The following CATSPER1 variants were observed in gnomAD, a reference collection of about 807,000 sequenced individuals.
The protein encoded by CATSPER1 is cation channel sperm associated 1.
CATSPER1 carries 57 observed loss-of-function variants against 72.7 expected under a neutral mutation model. That is an observed-to-expected ratio of 0.78 (90% CI 0.63 to 0.98). The LOEUF (loss-of-function observed/expected upper bound fraction) is 0.98, where lower values mean the gene tolerates loss of function less well. CATSPER1 is among the 50% of genes least tolerant of loss of function. The pLI, the probability that CATSPER1 is intolerant of heterozygous loss-of-function variation, is 0.00. For synonymous variants in CATSPER1, 363 were observed against 403.0 expected (o/e 0.90, Z 1.19); for missense variants, 910 against 1,033.9 (o/e 0.88, Z 1.64).
chr11:66,022,434 G>A (rs1856393590), intron 2 of CATSPER1, among the ~76,000 whole-genome samples: 1 of 152,268 alleles, frequency 6.6e-6, no homozygotes, highest in African/African-American at 2.4e-5. Flanking sequence ...TGGAGCCTGA[G>A]ACAGCGAGCC....
In CATSPER1 at chr11:66,025,666, T is replaced by G. The variant is rs778274123; in HGVS notation, c.714A>C (p.Gly238=). 1.2e-6 allele frequency: 2 copies of G among 1,613,756 alleles called. No individual in the cohort carries two copies. Among genetic ancestry groups the G allele is most frequent in the Non-Finnish European group, 1.7e-6 (2 of 1,179,940 alleles). ...TGGTCTCTCCGTGATGAGGAGACTT[T>G]CCATGCTGGTGGGCTTCATGATGAC... The part of the protein sequence containing the change: ...RSRHHEAHQH[G]KSPHHGETIS... Residue 238 remains glycine, a synonymous_variant, in exon 1 of 12, where the codon GGA becomes GGC. Transcript: ENST00000312106.
intron 1 of CATSPER1, among the ~76,000 whole-genome samples, chr11:66,023,369 C>T (rs1702099336): frequency 6.6e-6 from 1 of 151,818 alleles, no homozygotes; most frequent in Non-Finnish European, 1.5e-5. Flanking sequence ...AGTCCAAGGC[C>T]ATGAAGTACC....
intron 1 of CATSPER1, among the ~76,000 whole-genome samples, chr11:66,023,552 G>A (rs1856425256): frequency 6.6e-6 from 1 of 151,882 alleles, no homozygotes; most frequent in Non-Finnish European, 1.5e-5. Context: ...CTTTAAAATG[G>A]GCATAATTGT....
chr11:66,017,240 C>T (rs941536477), intron 10 of CATSPER1, 66 bp from the exon 11 acceptor site: 3 of 1,187,448 alleles, frequency 2.5e-6, no homozygotes, highest in South Asian at 1.3e-5. Context: ...GCCTACTGCA[C>T]CCCAGAACCA....
Position 66,020,776 on chromosome 11 carries a change from C to T in CATSPER1, c.1927+35G>A, listed in dbSNP as rs762561476. On this transcript the variant is annotated intron_variant, in intron 6 of 11. Coordinates refer to ENST00000312106, the MANE Select transcript of CATSPER1 (RefSeq NM_053054.4). The surrounding 1 kb of genome is among the most constrained non-coding windows in gnomAD (Gnocchi z 4.5). ...GCCCTGGCCGGTCCACCCCGCCAAT[C>T]CCCGGCCCTCCCTGCAGCCTGGGGC... The T allele has an allele frequency of 1.9e-6, 3 of 1,613,404 alleles. No individual in the cohort carries two copies. Among genetic ancestry groups the T allele is most frequent in the Non-Finnish European group, 2.5e-6 (3 of 1,179,902 alleles).
chr11:66,026,247 A>G lies in CATSPER1; in HGVS notation c.133T>C (p.Leu45=), dbSNP rs758014818. 8 of 1,613,752 alleles carry G rather than the reference A, an allele frequency of 5.0e-6. No homozygotes were observed. Among genetic ancestry groups the G allele is most frequent in the Non-Finnish European group, 6.8e-6 (8 of 1,179,832 alleles). Residue 45 remains leucine, a synonymous_variant, in exon 1 of 12, where the codon TTG becomes CTG. Transcript: ENST00000312106. ...GHSRALHHYE[L]HHHGVPHQRG... Reference sequence around the variant, plus strand: ...TGGTGGGGCACGCCGTGATGGTGCAACTCGTAATGGTGGAGAGCTCTGCTG... The same window carrying G: ...TGGTGGGGCACGCCGTGATGGTGCAGCTCGTAATGGTGGAGAGCTCTGCTG...
intron 1 of CATSPER1, 58 bp from the exon 2 acceptor site, chr11:66,023,119 G>C: frequency 6.7e-7 from 1 of 1,492,354 alleles, no homozygotes; most frequent in Non-Finnish European, 9.3e-7. Context: ...GAGGTCCCAG[G>C]CACCCCCCAG....
chr11:66,023,651 C>A (rs1451735771), intron 1 of CATSPER1, among the ~76,000 whole-genome samples: 8 of 151,950 alleles, frequency 5.3e-5, no homozygotes, highest in Admixed American at 1.3e-4. Flanking sequence ...TTGAGACCAG[C>A]CTGGCCAGCA....
chr11:66,023,464 C>T (rs746280555), intron 1 of CATSPER1, among the ~76,000 whole-genome samples: 1 of 152,152 alleles, frequency 6.6e-6, no homozygotes, highest in Non-Finnish European at 1.5e-5. Context: ...TCACACAAGC[C>T]CGGATTCCCA....
chr11:66,020,634 G>T lies in CATSPER1; in HGVS notation c.1928-7C>A. 1 of 1,611,762 alleles carries T rather than the reference G, an allele frequency of 6.2e-7. No homozygotes were observed. The highest frequency in any genetic ancestry group is 8.5e-7 in the Non-Finnish European group (1 of 1,178,988). On this transcript the variant is annotated splice_polypyrimidine_tract_variant and splice_region_variant and intron_variant, in intron 6 of 11. Coordinates refer to ENST00000312106, the MANE Select transcript of CATSPER1 (RefSeq NM_053054.4). The surrounding 1 kb of genome is among the most constrained non-coding windows in gnomAD (Gnocchi z 4.5). The stretch of plus-strand genomic sequence containing the variant: ...GGAATGATGTACCAGGCGCCTAGGG[G>T]GAGCAGGCCAGAGGGCACAGTCAGG...
At chr11:66,022,652 G>C (rs989264876) in intron 2 of CATSPER1, among the ~76,000 whole-genome samples, 197 bp downstream of exon 2, 3 of 152,364 alleles carry the variant, frequency 2.0e-5, no homozygotes, top group Admixed American at 1.3e-4. Flanking sequence ...CCCGCCTAGC[G>C]GGTCCTTCTG....
At chr11:66,024,965 C>G (rs777639465) in intron 1 of CATSPER1, among the ~76,000 whole-genome samples, 199 bp downstream of exon 1, 7 of 152,206 alleles carry the variant, frequency 4.6e-5, no homozygotes, top group Admixed American at 6.5e-5. Flanking sequence ...TGAACAAACA[C>G]CTCATGGCCT....
chr11:66,024,064 A>G (rs545468540), intron 1 of CATSPER1, among the ~76,000 whole-genome samples: 1 of 151,764 alleles, frequency 6.6e-6, no homozygotes, highest in South Asian at 2.1e-4. Flanking sequence ...CCCAGCTTCA[A>G]GAGATTCTCC....
chr11:66,017,860 A>G (rs1238143664), intron 10 of CATSPER1, among the ~76,000 whole-genome samples: 1 of 152,146 alleles, frequency 6.6e-6, no homozygotes, highest in East Asian at 1.9e-4. Flanking sequence ...GATGCTGGCG[A>G]CCTGGAAAGA....
At chr11:66,022,003 C>T (rs941908916) in intron 2 of CATSPER1, 124 bp from the exon 3 acceptor site, 17 of 757,200 alleles carry the variant, frequency 2.2e-5, no homozygotes, top group Non-Finnish European at 3.6e-5. Context: ...AGCAGCTGCG[C>T]GACTTCACTA....
Position 66,025,960 on chromosome 11 carries a change from G to T in CATSPER1, c.420C>A (p.Asp140Glu). The T allele has an allele frequency of 6.2e-7, 1 of 1,613,798 alleles. No individual in the cohort carries two copies. The highest frequency in any genetic ancestry group is 8.5e-7 in the Non-Finnish European group (1 of 1,179,932). The change falls in exon 1 of 12, where the codon GAC (aspartate) becomes GAA (glutamate). Residue 140 changes from aspartate (D) to glutamate (E), a missense_variant. Transcript: ENST00000312106. ...GGTGAGACCCCCTATGGTAATGGGA[G>T]TCACTCTGCTGATGGAACCCACCGT... ...SQYGGFHQQS[D>E]SHYHRGSHHG...
At position 66,025,763 on chromosome 11, in the gene CATSPER1, T is replaced by C. The variant is rs1236786826; in HGVS notation, c.617A>G (p.Glu206Gly). The change falls in exon 1 of 12, where the codon GAG (glutamate) becomes GGG (glycine). Residue 206 changes from glutamate to glycine, a missense_variant. Coordinates refer to ENST00000312106, the MANE Select transcript of CATSPER1 (RefSeq NM_053054.4). ...ASHLSGLQHDESQHHQVPHRG... is the reference protein window; with the variant it reads ...ASHLSGLQHDGSQHHQVPHRG... ...GTGGGGGACTTGGTGATGCTGGGAC[T>C]CATCGTGTTGGAGCCCGCTAAGGTG... 7.4e-6 allele frequency: 12 copies of C among 1,613,492 alleles called. No individual in the cohort carries two copies. Among genetic ancestry groups the C allele is most frequent in the Non-Finnish European group, 1.0e-5 (12 of 1,179,774 alleles).
Position 66,020,076 on chromosome 11 carries a change from G to C in CATSPER1, c.2125+64C>G, listed in dbSNP as rs1431540811. 5.2e-6 allele frequency: 8 copies of C among 1,527,420 alleles called. No individual in the cohort carries two copies. The highest frequency in any genetic ancestry group is 1.1e-5 in the South Asian group (1 of 89,332). The allele number at this position is 1,527,420 out of a possible 1,614,324, so 94.6% of individuals were successfully genotyped here. Reference sequence around the variant, plus strand: ...TCTGTGACTGTGGAAGGAGGTTAGGGGGATGGAGAGACTGGCCCCCACTGC... The same window carrying C: ...TCTGTGACTGTGGAAGGAGGTTAGGCGGATGGAGAGACTGGCCCCCACTGC... On this transcript the variant is annotated intron_variant, in intron 9 of 11. Coordinates refer to ENST00000312106, the MANE Select transcript of CATSPER1 (RefSeq NM_053054.4). The surrounding 1 kb of genome is among the most constrained non-coding windows in gnomAD (Gnocchi z 4.5).
intron 10 of CATSPER1, among the ~76,000 whole-genome samples, chr11:66,017,586 A>G (rs1312182865): frequency 3.0e-5 from 4 of 132,160 alleles, no homozygotes; most frequent in Non-Finnish European, 6.3e-5. Context: ...ACCCATTGAC[A>G]CCTTCATCAT....
Sources: allele counts gnomAD v4.1 joint callset (sites outside exome capture counted in the v4.1 genomes callset), GRCh38; gene constraint gnomAD v4.1.1; non-coding constraint Gnocchi (gnomAD v3.1); transcripts MANE v1.5; gene names NCBI Gene and HGNC (gene_info 2026-07-23, HGNC 2026-07-21).